Variants in ZNF302 observed in about 807,000 individuals in gnomAD.
ZNF302 encodes zinc finger protein 327.
ZNF302 carries 12 observed loss-of-function variants against 10.8 expected under a neutral mutation model. That is an observed-to-expected ratio of 1.11 (90% CI 0.71 to 1.79). The LOEUF (loss-of-function observed/expected upper bound fraction) is 1.79, where lower values mean the gene tolerates loss of function less well. Among genes scored for constraint, ZNF302 ranks in the 40% most tolerant of loss-of-function variants. The probability of loss-of-function intolerance (pLI) is 0.00; values close to 1 mark genes in which losing one functional copy is unlikely to be tolerated. For synonymous variants in ZNF302, 178 were observed against 157.5 expected (o/e 1.13, Z -0.98); for missense variants, 461 against 471.1 (o/e 0.98, Z 0.20).
At chr19:34,680,742 A>T (rs2068300040) in intron 2 of ZNF302, among the ~76,000 whole-genome samples, 1 of 152,234 alleles carries the variant, frequency 6.6e-6, no homozygotes, top group African/African-American at 2.4e-5. Context: ...TTTATTTGGG[A>T]TATAGGCAAT....
intron 2 of ZNF302, chr19:34,679,803 T>G (rs1291051329): frequency 2.9e-6 from 2 of 698,976 alleles, no homozygotes; most frequent in Non-Finnish European, 5.2e-6. Flanking sequence ...GAGGAATGCT[T>G]TTTCTTCTTT....
At position 34,685,319 on chromosome 19, in the gene ZNF302, A is replaced by G; in HGVS notation, c.*82A>G. On this transcript the variant is annotated 3_prime_UTR_variant, in exon 5 of 5. Transcript: ENST00000505242. Reference sequence around the variant, plus strand: ...CATTAGATTGAAACCCTACGAATGCAGTATATGTGGGAAAGCCTTTAGTCA... The same window carrying G: ...CATTAGATTGAAACCCTACGAATGCGGTATATGTGGGAAAGCCTTTAGTCA... The G allele has an allele frequency of 6.2e-7, 1 of 1,614,008 alleles. No individual in the cohort carries two copies. The highest frequency in any genetic ancestry group is 8.5e-7 in the Non-Finnish European group (1 of 1,179,910).
chr19:34,677,998 T>G lies in ZNF302; in HGVS notation c.-174T>G, dbSNP rs953350786. The G allele has an allele frequency of 2.0e-5, 3 of 152,254 alleles. No homozygotes were observed. The highest frequency in any genetic ancestry group is 2.0e-4 in the Admixed American group (3 of 15,290). The allele number at this position is 152,254 out of a possible 1,614,324, so 9.4% of individuals were successfully genotyped here. A position where few individuals can be genotyped will look rare whatever the true frequency, so the allele number is the denominator to read the frequency against. On this transcript the variant is annotated 5_prime_UTR_variant, in exon 1 of 5. Coordinates refer to ENST00000505242, the MANE Select transcript of ZNF302 (RefSeq NM_001289187.2). ...GATGACGGCGCCGACCTCTTGGCAC[T>G]GTTGTGAGAGCGAAGTGGGCGCGAG...
At position 34,685,208 on chromosome 19, in the gene ZNF302, C is replaced by T. The variant is rs776433326; in HGVS notation, c.1171C>T (p.His391Tyr). The T allele has an allele frequency of 2.5e-5, 41 of 1,611,162 alleles. No individual in the cohort carries two copies. The highest frequency in any genetic ancestry group is 3.4e-5 in the Non-Finnish European group (40 of 1,178,670). Reference sequence around the variant, plus strand: ...ATTTCTTGTTCAACATCAGAGTATTCATACTGAAGAAAAACCGTTTGAAGT... The same window carrying T: ...ATTTCTTGTTCAACATCAGAGTATTTATACTGAAGAAAAACCGTTTGAAGT... ...FSFLVQHQSI[H>Y]TEEKPFEV is the part of the protein sequence containing the mutation. Residue 391 changes from histidine to tyrosine, a missense_variant, in exon 5 of 5, where the codon CAT becomes TAT. Physicochemically the swap from His to Tyr is moderately conservative, Grantham distance 83 (BLOSUM62 2). Transcript: ENST00000505242.
At chr19:34,683,000 C>T in intron 3 of ZNF302, 103 bp downstream of exon 3, 1 of 1,575,626 alleles carries the variant, frequency 6.3e-7, no homozygotes, top group East Asian at 2.2e-5. Context: ...CTGTACCATG[C>T]TCCCGAGGAA....
chr19:34,678,875 T>C, intron 2 of ZNF302, 62 bp downstream of exon 2: 1 of 1,598,882 alleles, frequency 6.3e-7, no homozygotes, highest in Non-Finnish European at 8.6e-7. Context: ...GTGTTTGCTT[T>C]GCTTCTCCTG....
Position 34,684,469 on chromosome 19 carries a change from G to T in ZNF302, c.432G>T (p.Gly144=). Reference sequence around the variant, plus strand: ...AACCACAAAACAATTCTGCTGAAGGGAATTCACACAAATATGATATATTAA... The same window carrying T: ...AACCACAAAACAATTCTGCTGAAGGTAATTCACACAAATATGATATATTAA... The part of the protein sequence containing the change: ...LSEPQNNSAE[G]NSHKYDILKK... Residue 144 remains glycine (G), a synonymous_variant, in exon 5 of 5, where the codon GGG becomes GGT. Coordinates refer to ENST00000505242, the MANE Select transcript of ZNF302 (RefSeq NM_001289187.2). 6.2e-7 allele frequency: 1 copy of T among 1,612,958 alleles called. No individual in the cohort carries two copies. Among genetic ancestry groups the T allele is most frequent in the Non-Finnish European group, 8.5e-7 (1 of 1,179,314 alleles).
rs769254444 is a variant in ZNF302 at position 34,685,219 on chromosome 19, A to C, written c.1182A>C (p.Glu394Asp). 6.2e-7 allele frequency: 1 copy of C among 1,612,276 alleles called. No individual in the cohort carries two copies. Among genetic ancestry groups the C allele is most frequent in the South Asian group, 1.1e-5 (1 of 90,848 alleles). Residue 394 changes from glutamate to aspartate, a missense_variant, in exon 5 of 5, where the codon GAA becomes GAC. Physicochemically the swap from Glu to Asp is conservative, Grantham distance 45. Coordinates refer to ENST00000505242, the MANE Select transcript of ZNF302 (RefSeq NM_001289187.2). The stretch of plus-strand genomic sequence containing the variant: ...AACATCAGAGTATTCATACTGAAGA[A>C]AAACCGTTTGAAGTTTAGAAATGCA... The part of the protein sequence containing the change: ...LVQHQSIHTE[E>D]KPFEV
chr19:34,683,596 A>T (rs112624377), intron 4 of ZNF302, among the ~76,000 whole-genome samples: 11,487 of 152,312 alleles, frequency 0.075, 575 homozygotes, highest in Non-Finnish European at 0.11. Flanking sequence ...TCACTTTTCT[A>T]AAGCTGAGCT....
At chr19:34,682,661 T>C in intron 2 of ZNF302, 116 bp from the exon 3 acceptor site, 1 of 1,490,604 alleles carries the variant, frequency 6.7e-7, no homozygotes, top group Non-Finnish European at 9.1e-7. Context: ...TCCCAGTCAT[T>C]GTCACAGCTC....
chr19:34,677,160 CAAAA>C (rs10601812), upstream of ZNF302: 27 of 125,340 alleles, frequency 2.2e-4, no homozygotes, highest in Non-Finnish European at 2.0e-4. Context: ...AAATGAGTGC[CAAAA>C]AAAAAAAAAA....
In ZNF302 at chr19:34,684,556, T is replaced by C. The variant is rs1422448736; in HGVS notation, c.519T>C (p.Leu173=). 1.9e-6 allele frequency: 3 copies of C among 1,613,732 alleles called. No individual in the cohort carries two copies. Among genetic ancestry groups the C allele is most frequent in the East Asian group, 2.2e-5 (1 of 44,868 alleles). ...KSERINGGKK[L]LNSNKSGAAF... The stretch of plus-strand genomic sequence containing the variant: ...AGAGAATAAATGGTGGAAAGAAACT[T>C]TTAAATTCTAATAAAAGTGGGGCAG... Residue 173 remains leucine, a synonymous_variant, in exon 5 of 5, where the codon CTT becomes CTC. Coordinates refer to ENST00000505242, the MANE Select transcript of ZNF302 (RefSeq NM_001289187.2).
At chr19:34,680,396 A>C (rs529822905) in intron 2 of ZNF302, among the ~76,000 whole-genome samples, 6 of 152,368 alleles carry the variant, frequency 3.9e-5, no homozygotes, top group South Asian at 2.1e-4. Flanking sequence ...ACGGTAGCCA[A>C]CAGCCCCATC....
chr19:34,683,353 T>A, intron 4 of ZNF302, 115 bp downstream of exon 4: 1 of 1,236,802 alleles, frequency 8.1e-7, no homozygotes, highest in Non-Finnish European at 1.1e-6. Flanking sequence ...CAGATAGAAA[T>A]GAAAAATTGA....
In ZNF302 at chr19:34,682,517, CAA is replaced by C. The variant is rs748304085; in HGVS notation, c.10-257_10-256del. ...AATTCATATAATTCTAAACTTTTAA[CAA>C]AATTACTGAAGCAAAGCTCTCATAT... is the stretch of plus-strand genomic sequence containing the variant. On this transcript the variant is annotated intron_variant, in intron 2 of 4. Transcript: ENST00000505242. The C allele has an allele frequency of 2.8e-4, 93 of 335,452 alleles. No individual in the cohort carries two copies. In the South Asian group the frequency reaches 5.0e-3, roughly 18 times the overall value. 20.8% of individuals were successfully genotyped at this position (335,452 alleles called of 1,614,324 possible). A position where few individuals can be genotyped will look rare whatever the true frequency, so the allele number is the denominator to read the frequency against.
chr19:34,677,539 G>C (rs534697521), upstream of ZNF302: 1 of 152,304 alleles, frequency 6.6e-6, no homozygotes, highest in Non-Finnish European at 1.5e-5. Flanking sequence ...CGGTTTGCCC[G>C]CGGCGCACCA....
chr19:34,681,326 A>T (rs141562237), intron 2 of ZNF302: 1 of 152,366 alleles, frequency 6.6e-6, no homozygotes, highest in African/African-American at 2.4e-5. Flanking sequence ...TATTTTAAAT[A>T]ATACTGTGAA....
chr19:34,679,688 C>T (rs1485817665), intron 2 of ZNF302: 1 of 539,356 alleles, frequency 1.9e-6, no homozygotes, highest in Non-Finnish European at 3.3e-6. Flanking sequence ...CCTAGCGCTT[C>T]CACTCCTCCA....
At position 34,684,405 on chromosome 19, in the gene ZNF302, C is replaced by T. The variant is rs2068538530; in HGVS notation, c.368C>T (p.Thr123Ile). ...NKNLEYTECD[T>I]FRSTFHSKST... ...AATTTGGAATATACAGAATGCGACA[C>T]ATTTAGAAGCACCTTTCATTCAAAG... Residue 123 changes from threonine (T) to isoleucine (I), a missense_variant, in exon 5 of 5, where the codon ACA becomes ATA. Transcript: ENST00000505242. 1 of 1,612,222 alleles carries T rather than the reference C, an allele frequency of 6.2e-7. No individual in the cohort carries two copies. The highest frequency in any genetic ancestry group is 8.5e-7 in the Non-Finnish European group (1 of 1,179,120).
Sources: allele counts gnomAD v4.1 joint callset (sites outside exome capture counted in the v4.1 genomes callset), GRCh38; gene constraint gnomAD v4.1.1; transcripts MANE v1.5; gene names NCBI Gene and HGNC (gene_info 2026-07-23, HGNC 2026-07-21).